The following PRDM5 variants were observed in gnomAD, a reference collection of about 807,000 sequenced individuals.
PRDM5 encodes PR domain zinc finger protein 5.
Under a neutral mutation model 81.2 loss-of-function variants are expected in PRDM5, and 56 were observed. The observed-to-expected ratio is 0.69, with a 90% CI of 0.56 to 0.86. PRDM5 has a LOEUF of 0.86. Ranked by LOEUF, PRDM5 falls within the 40% of genes least tolerant of loss-of-function variation. The probability of loss-of-function intolerance (pLI) is 0.00; values close to 1 mark genes in which losing one functional copy is unlikely to be tolerated. For synonymous variants in PRDM5, 267 were observed against 256.4 expected (o/e 1.04, Z -0.39); for missense variants, 697 against 770.1 (o/e 0.91, Z 1.12).
At chr4:120,736,043 G>T (rs543868955) in intron 14 of PRDM5, among the ~76,000 whole-genome samples, 10 of 76,826 alleles carry the variant, frequency 1.3e-4, no homozygotes, top group African/African-American at 7.1e-4. Flanking sequence ...ATTCCATTCT[G>T]TATGTCCATT....
intron 1 of PRDM5, among the ~76,000 whole-genome samples, chr4:120,915,348 ATG>A (rs745698454): frequency 3.7e-4 from 57 of 152,224 alleles, no homozygotes; most frequent in Non-Finnish European, 6.3e-4. Flanking sequence ...TAAAGGAGGA[ATG>A]TGAGACAGAA....
chr4:120,820,344 C>T (rs866408929), intron 4 of PRDM5, among the ~76,000 whole-genome samples: 1 of 152,140 alleles, frequency 6.6e-6, no homozygotes, highest in Non-Finnish European at 1.5e-5. Flanking sequence ...GCTCCAGAAA[C>T]GTAAGCAATA....
Position 120,695,077 on chromosome 4 carries a change from C to T in PRDM5, c.*34G>A. The T allele has an allele frequency of 6.3e-7, 1 of 1,595,726 alleles. No individual in the cohort carries two copies. The highest frequency in any genetic ancestry group is 8.6e-7 in the Non-Finnish European group (1 of 1,163,728). The stretch of plus-strand genomic sequence containing the variant: ...AAAATCTGGGATTCATATTAGGAGC[C>T]CTTCTGAATAGTTTAATTCCTTTAC... On this transcript the variant is annotated 3_prime_UTR_variant, in exon 16 of 16. Coordinates refer to ENST00000264808, the MANE Select transcript of PRDM5 (RefSeq NM_018699.4).
At chr4:120,901,317 T>A (rs1014571348) in intron 2 of PRDM5, among the ~76,000 whole-genome samples, 1 of 152,180 alleles carries the variant, frequency 6.6e-6, no homozygotes, top group Non-Finnish European at 1.5e-5. Flanking sequence ...ATAAATAAAA[T>A]CATGATAATT....
Position 120,908,028 on chromosome 4 carries a change from T to C in PRDM5, c.94-471A>G, listed in dbSNP as rs144434936. ...AGGAAGAGTGTTCATAAATAAACTT[T>C]AAATTTGCCTGCCAATCTTTCAAAC... On this transcript the variant is annotated intron_variant, in intron 1 of 15. Transcript: ENST00000264808. Among the ~76,000 whole-genome samples the C allele has an allele frequency of 2.1e-4, 32 of 152,338 alleles. No homozygotes were observed. In the East Asian group the frequency reaches 5.0e-3, roughly 24 times the overall value.
chr4:120,703,508 C>T (rs748847905), intron 15 of PRDM5, among the ~76,000 whole-genome samples: 1 of 151,958 alleles, frequency 6.6e-6, no homozygotes, highest in Non-Finnish European at 1.5e-5. Context: ...TTGTTTAATG[C>T]TATACTCTAC....
intron 14 of PRDM5, among the ~76,000 whole-genome samples, chr4:120,736,199 TTG>T (rs57073985): frequency 0.13 from 19,433 of 145,014 alleles, 1,350 homozygotes; most frequent in Non-Finnish European, 0.16. Context: ...TACTATCCTT[TTG>T]TGTGTGTGTG....
intron 1 of PRDM5, among the ~76,000 whole-genome samples, chr4:120,921,252 T>C (rs1256817509): frequency 6.6e-6 from 1 of 152,246 alleles, no homozygotes; most frequent in African/African-American, 2.4e-5. Context: ...GTGATGGTTG[T>C]ATTTGGCCTT....
intron 14 of PRDM5, among the ~76,000 whole-genome samples, chr4:120,727,144 A>T (rs1478186629): frequency 6.6e-6 from 1 of 152,174 alleles, no homozygotes; most frequent in East Asian, 1.9e-4. Context: ...AATATATGTA[A>T]TAGATCCAAA....
chr4:120,722,719 T>C (rs1038027652), intron 14 of PRDM5, among the ~76,000 whole-genome samples: 3 of 152,044 alleles, frequency 2.0e-5, no homozygotes, highest in Admixed American at 6.6e-5. Flanking sequence ...CGTGCAGTGA[T>C]GGGTTTAGCT....
At chr4:120,921,656 G>A (rs931698542) in intron 1 of PRDM5, among the ~76,000 whole-genome samples, 1 of 152,164 alleles carries the variant, frequency 6.6e-6, no homozygotes, top group African/African-American at 2.4e-5. Flanking sequence ...AAAAGGGGGC[G>A]AGGACGGCTA....
intron 3 of PRDM5, among the ~76,000 whole-genome samples, chr4:120,849,566 G>A (rs1031848777): frequency 2.0e-5 from 3 of 152,056 alleles, no homozygotes; most frequent in Non-Finnish European, 4.4e-5. Context: ...TATGTAAATC[G>A]ATAAGTATGG....
At chr4:120,705,904 A>G (rs1388341640) in intron 15 of PRDM5, among the ~76,000 whole-genome samples, 1 of 152,124 alleles carries the variant, frequency 6.6e-6, no homozygotes, top group Admixed American at 6.6e-5. Flanking sequence ...CGTAGAACCA[A>G]TTGGATATGC....
In PRDM5 at chr4:120,806,903, C is replaced by T. The variant is rs577482856; in HGVS notation, c.945+4467G>A. On this transcript the variant is annotated intron_variant, in intron 8 of 15. Coordinates refer to ENST00000264808, the MANE Select transcript of PRDM5 (RefSeq NM_018699.4). ...ACAGCAAAAGAAACTACCATCAGAGCGAACAGGCAACCTACAGAATGGGAG... is the reference window on the plus strand; with the variant it reads ...ACAGCAAAAGAAACTACCATCAGAGTGAACAGGCAACCTACAGAATGGGAG... 4.1e-4 allele frequency among the ~76,000 whole-genome samples: 63 copies of T among 152,018 alleles called. 1 individual carries two copies. The highest frequency in any genetic ancestry group is 6.2e-4 in the Non-Finnish European group (42 of 67,934).
intron 8 of PRDM5, 119 bp downstream of exon 8, chr4:120,811,251 T>C (rs1193450782): frequency 6.8e-6 from 4 of 588,628 alleles, no homozygotes; most frequent in Non-Finnish European, 1.1e-5. Flanking sequence ...TAATTGCCAT[T>C]GATTTTTCAG....
chr4:120,719,193 C>T (rs1231965866), intron 14 of PRDM5, among the ~76,000 whole-genome samples: 5 of 152,206 alleles, frequency 3.3e-5, no homozygotes, highest in African/African-American at 4.8e-5. Flanking sequence ...CCATCTTCCA[C>T]CCAGTTGTGA....
At chr4:120,730,460 C>T (rs1270391832) in intron 14 of PRDM5, among the ~76,000 whole-genome samples, 1 of 152,004 alleles carries the variant, frequency 6.6e-6, no homozygotes, top group Non-Finnish European at 1.5e-5. Flanking sequence ...TCTTGAAATC[C>T]ATTAATGGGA....
At chr4:120,698,651 T>C (rs1002257658) in intron 15 of PRDM5, among the ~76,000 whole-genome samples, 6 of 152,158 alleles carry the variant, frequency 3.9e-5, no homozygotes, top group African/African-American at 1.4e-4. Flanking sequence ...ACTTACTATG[T>C]CTAAAACTGA....
chr4:120,783,518 A>C (rs990834124), intron 11 of PRDM5, among the ~76,000 whole-genome samples: 3 of 152,100 alleles, frequency 2.0e-5, no homozygotes, highest in Non-Finnish European at 4.4e-5. Context: ...CATCATTCCC[A>C]AGCAAAATTT....
Sources: gnomAD v4.1 joint callset for allele counts (sites outside exome capture counted in the v4.1 genomes callset) on GRCh38, gnomAD v4.1.1 for gene constraint, MANE v1.5 for transcripts, NCBI Gene and HGNC (gene_info 2026-07-23, HGNC 2026-07-21) for gene names.